The following PTPRZ1 variants were observed in gnomAD, a reference collection of about 807,000 sequenced individuals.
PTPRZ1 encodes the protein protein tyrosine phosphatase receptor type Z1, also known as receptor-type tyrosine-protein phosphatase zeta.
A neutral mutation model predicts 214.1 loss-of-function variants in PTPRZ1; 82 were observed. That is an observed-to-expected ratio of 0.38 (90% CI 0.32 to 0.46). The LOEUF is 0.46. Ranked by LOEUF, PTPRZ1 falls within the 20% of genes least tolerant of loss-of-function variation. The pLI, the probability that PTPRZ1 is intolerant of heterozygous loss-of-function variation, is 1.00. For missense variants in PTPRZ1, 2,603 were observed against 2,748.7 expected (o/e 0.95, Z 1.19); for synonymous variants, 945 against 987.9 (o/e 0.96, Z 0.81).
chr7:121,882,429 A>G (rs73437106), intron 1 of PTPRZ1, among the ~76,000 whole-genome samples: 7 of 152,170 alleles, frequency 4.6e-5, no homozygotes, highest in East Asian at 3.9e-4. Flanking sequence ...AGGGGTCACC[A>G]TGGGAGCAGA....
chr7:121,906,110 A>C (rs767807073), intron 1 of PTPRZ1, among the ~76,000 whole-genome samples: 16 of 152,112 alleles, frequency 1.1e-4, no homozygotes, highest in Non-Finnish European at 2.2e-4. Flanking sequence ...GGAGAACTTA[A>C]TTTTATACAG....
At chr7:121,940,004 T>C (rs558658473) in intron 2 of PTPRZ1, among the ~76,000 whole-genome samples, 1 of 152,184 alleles carries the variant, frequency 6.6e-6, no homozygotes, top group South Asian at 2.1e-4. Context: ...TATCCTAAGA[T>C]CTGTAGGTGA....
At position 122,034,266 on chromosome 7, in the gene PTPRZ1, A is replaced by G. The variant is rs370286465; in HGVS notation, c.5188-16A>G. The G allele has an allele frequency of 9.0e-5, 144 of 1,608,052 alleles. No homozygotes were observed. The highest frequency in any genetic ancestry group is 5.0e-4 in the Middle Eastern group (3 of 6,050). ...AAGAATGTGTGTTAAAATGATTTAC[A>G]TATAATTTTTTACAGGAAGTGCAGA... On this transcript the variant is annotated splice_polypyrimidine_tract_variant and intron_variant, in intron 16 of 29. Coordinates refer to ENST00000393386, the MANE Select transcript of PTPRZ1 (RefSeq NM_002851.3).
At chr7:122,033,984 GCATGATCATAGTTTTC>G in intron 15 of PTPRZ1, 95 bp from the exon 16 acceptor site, 1 of 910,872 alleles carries the variant, frequency 1.1e-6, no homozygotes, top group South Asian at 1.5e-5. Flanking sequence ...TGTATTTATT[GCATGATCATAGTTTTC>G]CATTGTAAAC....
At chr7:121,976,406 AGAT>A in intron 5 of PTPRZ1, 138 bp downstream of exon 5, 5 of 567,384 alleles carry the variant, frequency 8.8e-6, no homozygotes, top group Non-Finnish European at 8.9e-6. Flanking sequence ...TTTCAAAAAA[AGAT>A]GACCCTTGCC....
At position 121,976,849 on chromosome 7, in the gene PTPRZ1, T is replaced by G. The variant is rs781192113; in HGVS notation, c.617T>G (p.Phe206Cys). Residue 206 changes from phenylalanine (F) to cysteine (C), a missense_variant and splice_region_variant, in exon 6 of 30, where the codon TTT (phenylalanine) becomes TGT (cysteine). Physicochemically the swap from Phe to Cys is radical, Grantham distance 205. Around this residue, in one of 6 missense-constraint regions of PTPRZ1, gnomAD observed 244 missense variants for 333.2 expected, o/e 0.73. Transcript: ENST00000393386. ...IIDGVESVSR[F>C]GKQAALDPFI... is the part of the protein sequence containing the mutation. ...GATGGAGTCGAAAGTGTTAGTCGTT[T>G]TGGTAAGCTACTTGGGGAACTATCT... 3 of 1,610,132 alleles carry G rather than the reference T, an allele frequency of 1.9e-6. No individual in the cohort carries two copies. In the Admixed American group the frequency reaches 5.0e-5, roughly 27 times the overall value.
chr7:121,963,585 C>A (rs975513952), intron 2 of PTPRZ1, among the ~76,000 whole-genome samples: 1 of 152,018 alleles, frequency 6.6e-6, no homozygotes, highest in African/African-American at 2.4e-5. Flanking sequence ...TTGCATGTTT[C>A]ATTAGCATCT....
intron 13 of PTPRZ1, among the ~76,000 whole-genome samples, chr7:122,020,413 C>T (rs1456070790): frequency 1.3e-5 from 2 of 152,054 alleles, no homozygotes; most frequent in Non-Finnish European, 2.9e-5. Context: ...CTTGGTAGGC[C>T]AGAATGCTCA....
At chr7:121,877,508 G>A (rs909034323) in intron 1 of PTPRZ1, among the ~76,000 whole-genome samples, 6 of 151,940 alleles carry the variant, frequency 3.9e-5, no homozygotes, top group South Asian at 2.1e-4. Flanking sequence ...AGTTTTCACC[G>A]ATGCATATGG....
At chr7:121,916,819 T>C (rs189781369) in intron 1 of PTPRZ1, among the ~76,000 whole-genome samples, 2 of 152,296 alleles carry the variant, frequency 1.3e-5, no homozygotes, top group Admixed American at 1.3e-4. Flanking sequence ...GATAAGCATG[T>C]TGTGATTGGT....
intron 19 of PTPRZ1, 109 bp from the exon 20 acceptor site, chr7:122,039,345 G>C: frequency 1.7e-6 from 2 of 1,186,320 alleles, no homozygotes; most frequent in Non-Finnish European, 2.4e-6. Flanking sequence ...ATTTAGAAGA[G>C]TGAAGGAGTC....
At chr7:121,979,655 T>C (rs1797543410) in intron 6 of PTPRZ1, among the ~76,000 whole-genome samples, 1 of 152,176 alleles carries the variant, frequency 6.6e-6, no homozygotes, top group Admixed American at 6.6e-5. Flanking sequence ...CATGGACGGA[T>C]CTGATTAGTT....
At chr7:122,003,541 G>A (rs941081799) in intron 10 of PTPRZ1, among the ~76,000 whole-genome samples, 3 of 152,254 alleles carry the variant, frequency 2.0e-5, no homozygotes, top group African/African-American at 7.2e-5. Context: ...TTTAATGTTG[G>A]TTCAGTTATA....
intron 2 of PTPRZ1, among the ~76,000 whole-genome samples, chr7:121,935,544 T>TTTTG (rs200251497): frequency 0.012 from 1,579 of 131,184 alleles, 12 homozygotes; most frequent in Non-Finnish European, 0.019. Context: ...TTGGGGTTTT[T>TTTTG]TTTGTTTGTT....
chr7:121,990,875 C>T (rs1797939666), intron 8 of PTPRZ1, among the ~76,000 whole-genome samples: 1 of 152,086 alleles, frequency 6.6e-6, no homozygotes, highest in Non-Finnish European at 1.5e-5. Flanking sequence ...ATGTGAATAA[C>T]AGTACAAACA....
chr7:121,877,142 AT>A (rs1794086576), intron 1 of PTPRZ1, among the ~76,000 whole-genome samples: 1 of 152,076 alleles, frequency 6.6e-6, no homozygotes, highest in South Asian at 2.1e-4. Flanking sequence ...TTTTATGTAC[AT>A]TTTCTCATTT....
intron 6 of PTPRZ1, among the ~76,000 whole-genome samples, chr7:121,981,522 C>T (rs1797611345): frequency 6.6e-6 from 1 of 152,190 alleles, no homozygotes. Flanking sequence ...AGACACAGAT[C>T]TCACTGGTAA....
At chr7:121,968,163 T>G (rs1206223902) in intron 3 of PTPRZ1, 33 bp downstream of exon 3, 1 of 1,541,456 alleles carries the variant, frequency 6.5e-7, no homozygotes, top group Non-Finnish European at 8.8e-7. Flanking sequence ...GCCTTTAATA[T>G]ATTTTTCAGA....
rs991598585 is a variant in PTPRZ1, at chr7:122,041,086, A to G, written c.5801+107A>G. 3.8e-6 allele frequency: 4 copies of G among 1,044,360 alleles called. No individual in the cohort carries two copies. The Admixed American group carries it at 8.8e-5, about 23-fold the overall frequency. The allele number at this position is 1,044,360 out of a possible 1,614,324, so 64.7% of individuals were successfully genotyped here. On this transcript the variant is annotated intron_variant, in intron 21 of 29. Transcript: ENST00000393386. ...CAAATGGGAATGATTTCTTGAAATG[A>G]GGGTGATGAAATTATATGTTCATTT...
Sources: allele counts gnomAD v4.1 joint callset (sites outside exome capture counted in the v4.1 genomes callset), GRCh38; gene constraint gnomAD v4.1.1; regional missense constraint gnomAD v4.1.1; transcripts MANE v1.5; gene names NCBI Gene and HGNC (gene_info 2026-07-23, HGNC 2026-07-21).